Variants in TRHDE observed in about 807,000 individuals in gnomAD.
TRHDE encodes the protein thyrotropin-releasing hormone-degrading ectoenzyme.
Under a neutral mutation model 125.7 loss-of-function variants are expected in TRHDE, and 72 were observed. That is an observed-to-expected ratio of 0.57 (90% confidence interval 0.47 to 0.70). The LOEUF is 0.70. TRHDE is among the 30% of genes least tolerant of loss of function. The probability of loss-of-function intolerance (pLI) is 0.00; values close to 1 mark genes in which losing one functional copy is unlikely to be tolerated. For missense variants in TRHDE, 1,110 were observed against 1,327.1 expected, an observed-to-expected ratio of 0.84 and a Z score of 2.54; for synonymous variants, 509 against 509.1, an observed-to-expected ratio of 1.00 and a Z score of 0.00.
intron 5 of TRHDE, among the ~76,000 whole-genome samples, chr12:72,492,898 C>T (rs2135928221): frequency 6.6e-6 from 1 of 151,964 alleles, no homozygotes; most frequent in South Asian, 2.1e-4. Context: ...TAACTCATAA[C>T]ATTCTCTCTA....
At chr12:72,581,491 C>T (rs538885293) in intron 12 of TRHDE, among the ~76,000 whole-genome samples, 3 of 152,066 alleles carry the variant, frequency 2.0e-5, no homozygotes. Flanking sequence ...GTCCTCCTTG[C>T]CCTGGGCAGT....
At chr12:72,614,163 C>T (rs2136071873) in intron 12 of TRHDE, among the ~76,000 whole-genome samples, 1 of 151,916 alleles carries the variant, frequency 6.6e-6, no homozygotes, top group Middle Eastern at 3.4e-3. Flanking sequence ...CCAGGCCCCA[C>T]CTCCAGCATT....
At chr12:72,621,820 T>C in intron 15 of TRHDE, 69 bp downstream of exon 15, 1 of 1,160,602 alleles carries the variant, frequency 8.6e-7, no homozygotes, top group Non-Finnish European at 1.2e-6. Context: ...GTGGATGCAT[T>C]TCATTTACCA....
At chr12:72,551,127 T>C (rs1001311800) in intron 7 of TRHDE, among the ~76,000 whole-genome samples, 4 of 152,112 alleles carry the variant, frequency 2.6e-5, no homozygotes, top group Non-Finnish European at 4.4e-5. Flanking sequence ...ATTTTTCCTC[T>C]ATATTTAATA....
chr12:72,399,747 C>T (rs907790885), intron 3 of TRHDE, among the ~76,000 whole-genome samples: 12 of 151,794 alleles, frequency 7.9e-5, no homozygotes, highest in African/African-American at 2.4e-4. Context: ...TTGTTTTTTT[C>T]GTTCTGATTC....
chr12:72,239,607 C>G lies in TRHDE; in HGVS notation n.279+133855C>G, dbSNP rs2139379993. 3.3e-5 allele frequency among the ~76,000 whole-genome samples: 5 copies of G among 152,180 alleles called. No individual in the cohort carries two copies. The Middle Eastern group carries it at 0.014, about 414-fold the overall frequency. ...TGGACTGTGAGAAAGAGAGAGGAGTCAAGAATGACTTTAAGATGTTTTGCC... is the reference window on the plus strand; with the variant it reads ...TGGACTGTGAGAAAGAGAGAGGAGTGAAGAATGACTTTAAGATGTTTTGCC... On this transcript the variant is annotated intron_variant and non_coding_transcript_variant, in intron 2 of 4. Coordinates refer to the TRHDE transcript ENST00000548156.
At chr12:72,500,186 T>G (rs2135936413) in intron 6 of TRHDE, among the ~76,000 whole-genome samples, 1 of 152,318 alleles carries the variant, frequency 6.6e-6, no homozygotes, top group South Asian at 2.1e-4. Flanking sequence ...TGACTAGATA[T>G]AAAAATAAGG....
At chr12:72,295,044 C>T (rs1266609435) in intron 2 of TRHDE, among the ~76,000 whole-genome samples, 1 of 151,472 alleles carries the variant, frequency 6.6e-6, no homozygotes, top group African/African-American at 2.4e-5. Flanking sequence ...TTTCCTGGGC[C>T]CCCAAAAGTG....
intron 2 of TRHDE, among the ~76,000 whole-genome samples, chr12:72,364,315 C>G (rs552655795): frequency 6.6e-6 from 1 of 151,958 alleles, no homozygotes; most frequent in Non-Finnish European, 1.5e-5. Context: ...AACCTATATC[C>G]GTGTTACTTA....
intron 2 of TRHDE, among the ~76,000 whole-genome samples, chr12:72,371,497 C>T (rs568334619): frequency 1.6e-3 from 248 of 151,532 alleles, no homozygotes; most frequent in Non-Finnish European, 3.0e-3. Context: ...CCCATTAACT[C>T]GTCATTTAGC....
intron 2 of TRHDE, among the ~76,000 whole-genome samples, chr12:72,351,352 C>A (rs1870574474): frequency 6.6e-6 from 1 of 151,912 alleles, no homozygotes; most frequent in Non-Finnish European, 1.5e-5. Context: ...TTCTTTATCA[C>A]AAATGGTGCA....
chr12:72,654,468 T>G (rs929938088), intron 17 of TRHDE, among the ~76,000 whole-genome samples: 2 of 152,112 alleles, frequency 1.3e-5, no homozygotes, highest in Non-Finnish European at 2.9e-5. Context: ...TCTTCCTAAT[T>G]TTAGATGCCT....
intron 1 of TRHDE, among the ~76,000 whole-genome samples, chr12:72,103,691 T>C (rs1875119051): frequency 1.3e-5 from 2 of 152,176 alleles, no homozygotes; most frequent in Admixed American, 1.3e-4. Flanking sequence ...CAAATGGTCT[T>C]AGTTTGGGTT....
At chr12:72,404,623 A>C (rs949912059) in intron 3 of TRHDE, among the ~76,000 whole-genome samples, 1 of 152,142 alleles carries the variant, frequency 6.6e-6, no homozygotes, top group Non-Finnish European at 1.5e-5. Context: ...TTATGCAGGG[A>C]AACTCCTCTT....
chr12:72,318,590 G>T (rs761608464), intron 2 of TRHDE, among the ~76,000 whole-genome samples: 6 of 152,126 alleles, frequency 3.9e-5, no homozygotes, highest in Non-Finnish European at 8.8e-5. Flanking sequence ...CTGTGAGTGT[G>T]AGGCTAACTC....
intron 2 of TRHDE, among the ~76,000 whole-genome samples, chr12:72,253,030 T>A (rs541221210): frequency 6.6e-6 from 1 of 152,248 alleles, no homozygotes; most frequent in South Asian, 2.1e-4. Context: ...ACATGATGTA[T>A]GGCAGGTCCT....
At chr12:72,409,474 A>T (rs1771634938) in intron 3 of TRHDE, among the ~76,000 whole-genome samples, 1 of 152,126 alleles carries the variant, frequency 6.6e-6, no homozygotes, top group Admixed American at 6.5e-5. Context: ...TGACCATATC[A>T]CTTTATCAGA....
At chr12:72,506,815 T>C (rs1459277890) in intron 6 of TRHDE, among the ~76,000 whole-genome samples, 1 of 152,196 alleles carries the variant, frequency 6.6e-6, no homozygotes, top group Non-Finnish European at 1.5e-5. Flanking sequence ...ATCTAACCTC[T>C]TCTCATCCCT....
chr12:72,401,011 C>A (rs1255403966), intron 3 of TRHDE, among the ~76,000 whole-genome samples: 4 of 152,038 alleles, frequency 2.6e-5, no homozygotes, highest in Non-Finnish European at 5.9e-5. Flanking sequence ...TAAGATGGTC[C>A]TATTTAGCCA....
Sources: gnomAD v4.1 joint callset for allele counts (sites outside exome capture counted in the v4.1 genomes callset) on GRCh38, gnomAD v4.1.1 for gene constraint, MANE v1.5 for transcripts, NCBI Gene and HGNC (gene_info 2026-07-23, HGNC 2026-07-21) for gene names.